Variants in NELL1 observed in about 807,000 individuals in gnomAD.
The protein encoded by NELL1 is neural EGFL like 1.
In NELL1, 76 loss-of-function variants were observed where a neutral mutation model predicts 107.4. The ratio of observed to expected loss-of-function variants is 0.71; its 90% confidence interval spans 0.59 to 0.86. NELL1 has a LOEUF of 0.86. Among genes scored for constraint, NELL1 ranks in the 40% least tolerant of loss-of-function variants. NELL1 has a pLI of 0.00. For synonymous variants in NELL1, 353 were observed against 341.2 expected (o/e 1.03, Z -0.38); for missense variants, 1,024 against 1,005.5 (o/e 1.02, Z -0.25).
chr11:21,036,371 TAGAGAA>T (rs1853093170), intron 12 of NELL1, among the ~76,000 whole-genome samples: 1 of 152,094 alleles, frequency 6.6e-6, no homozygotes, highest in Non-Finnish European at 1.5e-5. Context: ...TTCACAGAGC[TAGAGAA>T]AACTATTTTA....
intron 14 of NELL1, among the ~76,000 whole-genome samples, chr11:21,236,128 T>A (rs554847565): frequency 1.3e-5 from 2 of 152,228 alleles, no homozygotes; most frequent in South Asian, 4.1e-4. Context: ...AATTCTATCC[T>A]CTCTTCTTCC....
chr11:21,523,255 G>A (rs1855772981), intron 15 of NELL1, among the ~76,000 whole-genome samples: 1 of 152,052 alleles, frequency 6.6e-6, no homozygotes, highest in African/African-American at 2.4e-5. Context: ...TTGTGCTTCT[G>A]TATCAAATAC....
rs114378469 is a variant in NELL1, at chr11:21,303,827, G to A, written c.1550-67026G>A. Among the ~76,000 whole-genome samples, 489 of 152,120 alleles carry A rather than the reference G, an allele frequency of 3.2e-3. 4 individuals carry two copies. The highest frequency in any genetic ancestry group is 0.011 in the African/African-American group (477 of 41,534). ...TGTTTCTTACAGTTTAGGAGGCTGG[G>A]AAACCCAGGATCAAGGTGCTGGAGA... On this transcript the variant is annotated intron_variant, in intron 14 of 19. Transcript: ENST00000357134.
At chr11:21,173,377 T>C (rs980232081) in intron 13 of NELL1, among the ~76,000 whole-genome samples, 1 of 151,882 alleles carries the variant, frequency 6.6e-6, no homozygotes, top group African/African-American at 2.4e-5. Flanking sequence ...TGCACAGGGC[T>C]ATCAGATTTA....
intron 5 of NELL1, among the ~76,000 whole-genome samples, chr11:20,892,163 G>A (rs1238610936): frequency 1.2e-4 from 19 of 152,212 alleles, no homozygotes; most frequent in Admixed American, 7.2e-4. Flanking sequence ...ATAACAAACC[G>A]TCTCTCAGAT....
At position 20,904,220 on chromosome 11, in the gene NELL1, A is replaced by T. The variant is rs187968746; in HGVS notation, c.604-13962A>T. 4.1e-3 allele frequency among the ~76,000 whole-genome samples: 624 copies of T among 151,242 alleles called. 4 individuals are homozygous for T. The highest frequency in any genetic ancestry group is 0.014 in the African/African-American group (579 of 40,666). On this transcript the variant is annotated intron_variant, in intron 5 of 19. Transcript: ENST00000357134. ...ACTTAAAGTATAATAAATAAATAAA[A>T]AAAAAAAGAAAAAAGTGGCAGGCAT...
intron 13 of NELL1, among the ~76,000 whole-genome samples, chr11:21,124,845 C>T (rs915606299): frequency 6.6e-6 from 1 of 152,070 alleles, no homozygotes; most frequent in Admixed American, 6.5e-5. Context: ...AGGTGATCTG[C>T]CTGCCTCAGC....
chr11:20,912,504 G>A (rs1383264038), intron 5 of NELL1, among the ~76,000 whole-genome samples: 1 of 152,152 alleles, frequency 6.6e-6, no homozygotes, highest in Non-Finnish European at 1.5e-5. Context: ...AATGAGCCGA[G>A]GTGAACCAAA....
chr11:21,287,832 T>C (rs920575818), intron 14 of NELL1, among the ~76,000 whole-genome samples: 1 of 152,024 alleles, frequency 6.6e-6, no homozygotes, highest in African/African-American at 2.4e-5. Context: ...ATTTCTCTGA[T>C]TGTGATTACA....
Position 20,978,617 on chromosome 11 carries a change from C to G in NELL1, c.1300+18057C>G, listed in dbSNP as rs189137765. Among the ~76,000 whole-genome samples the G allele has an allele frequency of 5.0e-4, 76 of 152,150 alleles. 2 individuals carry two copies. Among genetic ancestry groups the G allele is most frequent in the African/African-American group, 1.7e-3 (70 of 41,522 alleles). On this transcript the variant is annotated intron_variant, in intron 12 of 19. Coordinates refer to ENST00000357134, the MANE Select transcript of NELL1 (RefSeq NM_006157.5). ...TCAGCATAGATAAGGAATTAGTCTC[C>G]CATAGATTCAGGCATGCTTCCACAA...
intron 5 of NELL1, among the ~76,000 whole-genome samples, chr11:20,895,067 C>G (rs866050254): frequency 1.4e-5 from 2 of 143,262 alleles, no homozygotes; most frequent in East Asian, 2.0e-4. Context: ...GTCAGGAGAT[C>G]GAGACCATCC....
At chr11:21,206,291 A>G (rs1212866517) in intron 13 of NELL1, among the ~76,000 whole-genome samples, 1 of 152,150 alleles carries the variant, frequency 6.6e-6, no homozygotes, top group Non-Finnish European at 1.5e-5. Flanking sequence ...ATGTCCTGAC[A>G]TGGCCTGATC....
At chr11:20,848,965 G>T (rs1848749452) in intron 4 of NELL1, among the ~76,000 whole-genome samples, 1 of 152,208 alleles carries the variant, frequency 6.6e-6, no homozygotes, top group South Asian at 2.1e-4. Context: ...TCTGGACAGA[G>T]TTTCCATAGA....
rs1393906981 is a variant in NELL1 at position 20,877,584 on chromosome 11, CTTGTT to C, written c.507-7859_507-7855del. ...ACTAGTCTTTTAAGCAGACAATACA[CTTGTT>C]AGGGAGAGTGTTTTAAACCAAAGTC... is the stretch of plus-strand genomic sequence containing the variant. On this transcript the variant is annotated intron_variant, in intron 4 of 19. Coordinates refer to ENST00000357134, the MANE Select transcript of NELL1 (RefSeq NM_006157.5). Among the ~76,000 whole-genome samples the C allele has an allele frequency of 2.0e-5, 3 of 152,142 alleles. No homozygotes were observed. In the East Asian group the frequency reaches 5.8e-4, roughly 29 times the overall value.
chr11:20,995,161 T>G (rs1331986876), intron 12 of NELL1, among the ~76,000 whole-genome samples: 3 of 152,174 alleles, frequency 2.0e-5, no homozygotes, highest in Non-Finnish European at 2.9e-5. Context: ...CAGAGAAAAT[T>G]GATCACATTA....
chr11:21,219,284 TA>T (rs1857693384), intron 13 of NELL1, among the ~76,000 whole-genome samples: 1 of 152,186 alleles, frequency 6.6e-6, no homozygotes. Context: ...TGCCTGCTTT[TA>T]AAAAGTGAGT....
At position 20,913,843 on chromosome 11, in the gene NELL1, G is replaced by A. The variant is rs930546659; in HGVS notation, c.604-4339G>A. 8.0e-5 allele frequency among the ~76,000 whole-genome samples: 11 copies of A among 138,218 alleles called. No individual in the cohort carries two copies. In the East Asian group the frequency reaches 2.3e-3, roughly 28 times the overall value. The allele number at this position is 138,218 out of a possible 152,430, so 90.7% of individuals were successfully genotyped here. On this transcript the variant is annotated intron_variant, in intron 5 of 19. Transcript: ENST00000357134. ...AAATTAATAGTGTAAATAAGATTACGGGGGGCGGGGGGATGGGGGGAAGAA... is the reference window on the plus strand; with the variant it reads ...AAATTAATAGTGTAAATAAGATTACAGGGGGCGGGGGGATGGGGGGAAGAA...
chr11:21,313,075 AATAAAATAAT>A (rs1849784831), intron 14 of NELL1, among the ~76,000 whole-genome samples: 1 of 151,504 alleles, frequency 6.6e-6, no homozygotes, highest in African/African-American at 2.4e-5. Context: ...AATAAAATAA[AATAAAATAAT>A]AAAATAATAA....
intron 14 of NELL1, among the ~76,000 whole-genome samples, chr11:21,302,069 A>G (rs1042022104): frequency 6.6e-6 from 1 of 152,050 alleles, no homozygotes; most frequent in African/African-American, 2.4e-5. Flanking sequence ...CCTCTGTTTT[A>G]GTTATCTACT....
Sources: gnomAD v4.1 joint callset for allele counts (sites outside exome capture counted in the v4.1 genomes callset) on GRCh38, gnomAD v4.1.1 for gene constraint, MANE v1.5 for transcripts, NCBI Gene and HGNC (gene_info 2026-07-23, HGNC 2026-07-21) for gene names.